The following TMTC1 variants were observed in gnomAD, a reference collection of about 807,000 sequenced individuals.
The protein encoded by TMTC1 is protein O-mannosyl-transferase TMTC1.
TMTC1 carries 73 observed loss-of-function variants against 104.8 expected under a neutral mutation model. The observed-to-expected ratio is 0.70, with a 90% CI of 0.58 to 0.85. The LOEUF is 0.85. Ranked by LOEUF, TMTC1 falls within the 40% of genes least tolerant of loss-of-function variation. TMTC1 has a pLI of 0.00. For missense variants in TMTC1, 1,035 were observed against 1,096.1 expected, an observed-to-expected ratio of 0.94 and a Z score of 0.79; for synonymous variants, 434 against 428.7, an observed-to-expected ratio of 1.01 and a Z score of -0.15.
chr12:29,572,337 A>T, intron 8 of TMTC1, 119 bp from the exon 9 acceptor site: 2 of 838,466 alleles, frequency 2.4e-6, no homozygotes, highest in Non-Finnish European at 3.7e-6. Flanking sequence ...TTCTAAAACA[A>T]GGCATTGTAG....
intron 5 of TMTC1, among the ~76,000 whole-genome samples, chr12:29,668,454 C>CTTTTTTTTTTTTTTTTTTTTTTTT (rs66652706): frequency 8.9e-5 from 8 of 90,094 alleles, no homozygotes; most frequent in South Asian, 4.0e-4. Context: ...ACCAACTTAT[C>CTTTTTTTTTTTTTTTTTTTTTTTT]TTTTTTTTTT....
intron 5 of TMTC1, among the ~76,000 whole-genome samples, chr12:29,683,973 A>G (rs910699275): frequency 2.6e-5 from 4 of 151,974 alleles, no homozygotes; most frequent in Non-Finnish European, 4.4e-5. Context: ...CTTTCCAAGT[A>G]GCTGGGACTA....
intron 5 of TMTC1, among the ~76,000 whole-genome samples, chr12:29,639,051 C>G (rs986096287): frequency 6.6e-6 from 1 of 152,222 alleles, no homozygotes; most frequent in Non-Finnish European, 1.5e-5. Flanking sequence ...GCACTACCCT[C>G]CTCAATACAC....
chr12:29,506,408 G>C lies in TMTC1; in HGVS notation c.*438C>G, dbSNP rs528145525. ...AATTCTTGGTAGGATTTTCCAAATG[G>C]CTTACCACAGAGGATTTATCCTCTT... On this transcript the variant is annotated 3_prime_UTR_variant, in exon 18 of 18. Transcript: ENST00000539277. The C allele has an allele frequency of 6.4e-6, 1 of 155,642 alleles. No homozygotes were observed. Among genetic ancestry groups the C allele is most frequent in the South Asian group, 2.0e-4 (1 of 5,034 alleles). 9.6% of individuals were successfully genotyped at this position (155,642 alleles called of 1,614,324 possible).
intron 6 of TMTC1, among the ~76,000 whole-genome samples, chr12:29,621,378 A>G (rs1023283123): frequency 2.6e-5 from 4 of 152,258 alleles, no homozygotes; most frequent in Non-Finnish European, 5.9e-5. Flanking sequence ...CAGTTCAACC[A>G]TATGGATCTA....
At chr12:29,706,490 C>T (rs1941748003) in intron 5 of TMTC1, among the ~76,000 whole-genome samples, 1 of 152,124 alleles carries the variant, frequency 6.6e-6, no homozygotes, top group South Asian at 2.1e-4. Flanking sequence ...AGCCACAATG[C>T]TAATGAGGTA....
intron 5 of TMTC1, among the ~76,000 whole-genome samples, chr12:29,711,899 C>A (rs1015553951): frequency 6.7e-6 from 1 of 148,538 alleles, no homozygotes; most frequent in South Asian, 2.2e-4. Context: ...CCCAACTACT[C>A]GGGAGGCTGA....
At chr12:29,673,829 G>A (rs543194545) in intron 5 of TMTC1, among the ~76,000 whole-genome samples, 42 of 135,416 alleles carry the variant, frequency 3.1e-4, no homozygotes, top group African/African-American at 1.1e-3. Flanking sequence ...GTGAGATCTC[G>A]GCTCACCACA....
In TMTC1 at chr12:29,545,676, C is replaced by CACACACACACACACACACAG. The variant is rs1555167547; in HGVS notation, c.1677-9360_1677-9359insCTGTGTGTGTGTGTGTGTGT. Among the ~76,000 whole-genome samples the CACACACACACACACACACAG allele has an allele frequency of 2.1e-3, 285 of 137,938 alleles. 8 individuals carry two copies. The highest frequency in any genetic ancestry group is 6.0e-3 in the African/African-American group (214 of 35,644). The allele number at this position is 137,938 out of a possible 152,430, so 90.5% of individuals were successfully genotyped here. A position where few individuals can be genotyped will look rare whatever the true frequency, so the allele number is the denominator to read the frequency against. On this transcript the variant is annotated intron_variant, in intron 10 of 17. Transcript: ENST00000539277. ...ACACACACACACACACACACACACA[C>CACACACACACACACACACAG]GGATAGAAACTAAGCCTCAGCAAAG...
At chr12:29,725,705 G>GTTAGT (rs1424416109) in intron 5 of TMTC1, among the ~76,000 whole-genome samples, 2 of 152,158 alleles carry the variant, frequency 1.3e-5, no homozygotes, top group Non-Finnish European at 2.9e-5. Context: ...CAGTAATGAA[G>GTTAGT]TTTTTGACAT....
Position 29,505,227 on chromosome 12 carries a change from G to T in TMTC1, c.*1619C>A, listed in dbSNP as rs1367512729. ...AGTGCTTCCTGATACTGGGTTGAAA[G>T]AAGCAGAAGGCTATTTTTACCCTGC... On this transcript the variant is annotated 3_prime_UTR_variant, in exon 18 of 18. Coordinates refer to ENST00000539277, the MANE Select transcript of TMTC1 (RefSeq NM_001193451.2). 1.3e-5 allele frequency: 2 copies of T among 152,210 alleles called. No homozygotes were observed. The highest frequency in any genetic ancestry group is 4.8e-5 in the African/African-American group (2 of 41,458). 9.4% of individuals were successfully genotyped at this position (152,210 alleles called of 1,614,324 possible). A position where few individuals can be genotyped will look rare whatever the true frequency, so the allele number is the denominator to read the frequency against.
At chr12:29,583,260 TA>T in intron 8 of TMTC1, 146 bp downstream of exon 8, 3 of 705,358 alleles carry the variant, frequency 4.3e-6, no homozygotes, top group Non-Finnish European at 6.6e-6. Context: ...AAACCCCACA[TA>T]AAATTACATC....
At chr12:29,579,095 C>A (rs779512787) in intron 8 of TMTC1, among the ~76,000 whole-genome samples, 1 of 152,090 alleles carries the variant, frequency 6.6e-6, no homozygotes, top group Non-Finnish European at 1.5e-5. Context: ...CCCAATAAAT[C>A]GTTGAGCAGA....
intron 5 of TMTC1, among the ~76,000 whole-genome samples, chr12:29,662,826 C>T (rs1940098027): frequency 1.3e-5 from 2 of 152,174 alleles, no homozygotes; most frequent in South Asian, 4.1e-4. Context: ...GATACATGCT[C>T]AGATCTGGCC....
intron 8 of TMTC1, among the ~76,000 whole-genome samples, chr12:29,580,166 A>G (rs1252360563): frequency 6.6e-6 from 1 of 152,086 alleles, no homozygotes; most frequent in Non-Finnish European, 1.5e-5. Flanking sequence ...AACATAAAAA[A>G]ATATTAACCG....
rs117522172 is a variant in TMTC1, at chr12:29,708,438, A to T, written c.938+43228T>A. ...GAGGAACAAATAATTTGTCGAAGTC[A>T]CTTCAGAGATCATCCAAAACACTAG... On this transcript the variant is annotated intron_variant, in intron 5 of 17. Transcript: ENST00000539277. Among the ~76,000 whole-genome samples the T allele has an allele frequency of 2.0e-5, 3 of 152,230 alleles. No individual in the cohort carries two copies. The East Asian group carries it at 5.8e-4, about 29-fold the overall frequency.
intron 5 of TMTC1, among the ~76,000 whole-genome samples, chr12:29,685,518 T>C (rs1053621241): frequency 1.3e-5 from 2 of 152,048 alleles, no homozygotes; most frequent in African/African-American, 4.8e-5. Flanking sequence ...AAAGGCACAA[T>C]ATCTCATTCT....
intron 6 of TMTC1, among the ~76,000 whole-genome samples, chr12:29,605,979 T>C (rs926009898): frequency 6.6e-6 from 1 of 152,234 alleles, no homozygotes; most frequent in Non-Finnish European, 1.5e-5. Context: ...TTTCTGTTTC[T>C]GTGTTAATTC....
At chr12:29,678,549 A>G (rs1940808758) in intron 5 of TMTC1, among the ~76,000 whole-genome samples, 1 of 152,184 alleles carries the variant, frequency 6.6e-6, no homozygotes, top group South Asian at 2.1e-4. Context: ...TCCGAATCAT[A>G]GTGTAGAGAT....
Sources: gnomAD v4.1 joint callset for allele counts (sites outside exome capture counted in the v4.1 genomes callset) on GRCh38, gnomAD v4.1.1 for gene constraint, MANE v1.5 for transcripts, NCBI Gene and HGNC (gene_info 2026-07-23, HGNC 2026-07-21) for gene names.